The following WWTR1 variants were observed in gnomAD, a reference collection of about 807,000 sequenced individuals.
WWTR1 encodes the protein WW domain-containing transcription regulator protein 1.
A neutral mutation model predicts 40.1 loss-of-function variants in WWTR1; 13 were observed. The ratio of observed to expected loss-of-function variants is 0.32; its 90% CI spans 0.21 to 0.52. The LOEUF is 0.52. WWTR1 is among the 20% of genes least tolerant of loss of function. The pLI, the probability that WWTR1 is intolerant of heterozygous loss-of-function variation, is 0.97. For synonymous variants in WWTR1, 230 were observed against 210.1 expected (o/e 1.09, Z -0.82); for missense variants, 436 against 523.1 (o/e 0.83, Z 1.63).
intron 4 of WWTR1, among the ~76,000 whole-genome samples, chr3:149,535,408 CT>C (rs1429147512): frequency 3.3e-5 from 5 of 151,958 alleles, no homozygotes; most frequent in Non-Finnish European, 7.4e-5. Flanking sequence ...ATGTATATTT[CT>C]TTTTAATTCG....
chr3:149,656,141 A>G (rs1243094734), intron 2 of WWTR1, among the ~76,000 whole-genome samples: 1 of 152,230 alleles, frequency 6.6e-6, no homozygotes, highest in Non-Finnish European at 1.5e-5. Context: ...TAATTTGAAA[A>G]TTTCAACTAA....
At chr3:149,706,719 A>G (rs959936002), upstream of WWTR1, among the ~76,000 whole-genome samples, 9 of 152,224 alleles carry the variant, frequency 5.9e-5, no homozygotes, top group Admixed American at 3.9e-4. Flanking sequence ...AAGGGAGATC[A>G]TCTTAATATT....
chr3:149,612,056 A>C (rs1287290922), intron 2 of WWTR1, among the ~76,000 whole-genome samples: 1 of 152,180 alleles, frequency 6.6e-6, no homozygotes, highest in African/African-American at 2.4e-5. Flanking sequence ...ACTGGCTTAG[A>C]ACCCTGGATT....
chr3:149,717,165 C>T (rs1262058162), intron 5 of WWTR1, among the ~76,000 whole-genome samples: 1 of 152,138 alleles, frequency 6.6e-6, no homozygotes, highest in Non-Finnish European at 1.5e-5. Context: ...GTCTGGTTAA[C>T]ATTTCTCCTA....
At chr3:149,536,798 AG>A (rs1437119117) in intron 4 of WWTR1, among the ~76,000 whole-genome samples, 41 of 151,638 alleles carry the variant, frequency 2.7e-4, no homozygotes, top group African/African-American at 8.0e-4. Context: ...GGGTAAAAGC[AG>A]GGCTGAATTT....
chr3:149,716,261 T>C (rs1040785614), intron 5 of WWTR1, among the ~76,000 whole-genome samples: 2 of 151,920 alleles, frequency 1.3e-5, no homozygotes, highest in African/African-American at 4.8e-5. Context: ...CACACAGCTG[T>C]AATCCCAGCT....
chr3:149,537,702 C>T (rs1048065678), intron 4 of WWTR1, among the ~76,000 whole-genome samples: 1 of 152,192 alleles, frequency 6.6e-6, no homozygotes, highest in African/African-American at 2.4e-5. Flanking sequence ...GCCATCTGCC[C>T]CACAATTCCT....
chr3:149,683,480 G>A (rs1471668850), intron 1 of WWTR1, among the ~76,000 whole-genome samples: 2 of 152,168 alleles, frequency 1.3e-5, no homozygotes, highest in African/African-American at 2.4e-5. Flanking sequence ...GATCACTTGA[G>A]GTCAGGAATT....
chr3:149,639,231 C>G (rs541492933), intron 2 of WWTR1, among the ~76,000 whole-genome samples: 1 of 152,240 alleles, frequency 6.6e-6, no homozygotes, highest in East Asian at 1.9e-4. Context: ...TATACAGGGT[C>G]TCTTTCTGTT....
At chr3:149,715,250 G>C (rs1049425208) in intron 5 of WWTR1, among the ~76,000 whole-genome samples, 2 of 152,214 alleles carry the variant, frequency 1.3e-5, no homozygotes, top group Non-Finnish European at 2.9e-5. Flanking sequence ...GCCCTTCAGG[G>C]AGCCCAGACC....
chr3:149,662,353 A>G (rs930775487), upstream of WWTR1, among the ~76,000 whole-genome samples: 7 of 152,192 alleles, frequency 4.6e-5, no homozygotes, highest in Non-Finnish European at 8.8e-5. Flanking sequence ...TTTATAAGAT[A>G]ATCAGTTGAG....
At chr3:149,557,658 C>T (rs570440202) in intron 3 of WWTR1, among the ~76,000 whole-genome samples, 1 of 152,160 alleles carries the variant, frequency 6.6e-6, no homozygotes, top group East Asian at 1.9e-4. Flanking sequence ...TTTTTCTCAG[C>T]CACAGTCCTT....
At chr3:149,604,205 A>G (rs1306074355) in intron 2 of WWTR1, among the ~76,000 whole-genome samples, 3 of 152,230 alleles carry the variant, frequency 2.0e-5, no homozygotes, top group Non-Finnish European at 2.9e-5. Context: ...CCTGAGACCT[A>G]GAAGTTAAAT....
At chr3:149,691,064 GA>G (rs1171536448) in intron 1 of WWTR1, among the ~76,000 whole-genome samples, 1 of 151,580 alleles carries the variant, frequency 6.6e-6, no homozygotes, top group African/African-American at 2.4e-5. Context: ...CATTGATTGA[GA>G]AAAAATTTAA....
chr3:149,695,760 CAA>C (rs1301081231), intron 1 of WWTR1, among the ~76,000 whole-genome samples: 8 of 69,258 alleles, frequency 1.2e-4, no homozygotes, highest in African/African-American at 3.7e-4. Context: ...GGCTCCATCT[CAA>C]AAAAAAAAAA....
chr3:149,708,475 A>AC (rs879890129), intron 5 of WWTR1, among the ~76,000 whole-genome samples: 4 of 151,030 alleles, frequency 2.6e-5, no homozygotes, highest in Non-Finnish European at 4.4e-5. Context: ...TCTCCCCTCA[A>AC]CCCCCACTGC....
chr3:149,628,561 G>T (rs114688351), intron 2 of WWTR1, among the ~76,000 whole-genome samples: 1 of 151,956 alleles, frequency 6.6e-6, no homozygotes, highest in African/African-American at 2.4e-5. Flanking sequence ...TATCTTTTTC[G>T]GTATCGTGGA....
At chr3:149,538,653 C>T (rs561916544) in intron 4 of WWTR1, among the ~76,000 whole-genome samples, 58 of 152,288 alleles carry the variant, frequency 3.8e-4, no homozygotes, top group Middle Eastern at 3.4e-3. Flanking sequence ...TCTTTTGATC[C>T]TAATTCTGTA....
At chr3:149,557,436 G>A (rs1014547876) in intron 3 of WWTR1, among the ~76,000 whole-genome samples, 5 of 152,078 alleles carry the variant, frequency 3.3e-5, no homozygotes, top group African/African-American at 9.7e-5. Context: ...GACTTACGGG[G>A]AAGTACAGGA....
Sources: allele counts gnomAD v4.1 joint callset (sites outside exome capture counted in the v4.1 genomes callset), GRCh38; gene constraint gnomAD v4.1.1; transcripts MANE v1.5; gene names NCBI Gene and HGNC (gene_info 2026-07-23, HGNC 2026-07-21).